ST6GALNAC3: variants seen among roughly 807,000 people sequenced by gnomAD.
The protein encoded by ST6GALNAC3 is alpha-N-acetylgalactosaminide alpha-2,6-sialyltransferase 3.
In ST6GALNAC3, 25 loss-of-function variants were observed where a neutral mutation model predicts 32.7. The ratio of observed to expected loss-of-function variants is 0.76; its 90% CI spans 0.56 to 1.07. ST6GALNAC3 has a LOEUF of 1.07. Among genes scored for constraint, ST6GALNAC3 ranks in the 50% least tolerant of loss-of-function variants. The pLI is 0.00. For missense variants in ST6GALNAC3, 355 were observed against 382.4 expected, an observed-to-expected ratio of 0.93 and a Z score of 0.60; for synonymous variants, 129 against 133.1, an observed-to-expected ratio of 0.97 and a Z score of 0.21.
intron 2 of ST6GALNAC3, among the ~76,000 whole-genome samples, chr1:76,404,469 T>A (rs1009253208): frequency 6.6e-6 from 1 of 152,118 alleles, no homozygotes; most frequent in Non-Finnish European, 1.5e-5. Context: ...AAAATACATT[T>A]TTTTATCAAG....
At chr1:76,574,270 A>T (rs1013045710) in intron 3 of ST6GALNAC3, among the ~76,000 whole-genome samples, 16 of 149,966 alleles carry the variant, frequency 1.1e-4, no homozygotes, top group African/African-American at 3.9e-4. Context: ...GGATTATATA[A>T]AATGAGACAG....
chr1:76,121,987 C>G (rs892574407), intron 1 of ST6GALNAC3, among the ~76,000 whole-genome samples: 2 of 152,184 alleles, frequency 1.3e-5, no homozygotes, highest in African/African-American at 4.8e-5. Context: ...TCCCTCCCTT[C>G]TTTCATGTCT....
chr1:76,311,145 A>G (rs918308571), intron 1 of ST6GALNAC3, among the ~76,000 whole-genome samples: 1 of 151,784 alleles, frequency 6.6e-6, no homozygotes, highest in African/African-American at 2.4e-5. Flanking sequence ...TTCATCCCTC[A>G]TTACCTCTGT....
At chr1:76,324,475 T>C (rs1431155336) in intron 2 of ST6GALNAC3, among the ~76,000 whole-genome samples, 1 of 152,190 alleles carries the variant, frequency 6.6e-6, no homozygotes, top group Non-Finnish European at 1.5e-5. Context: ...ACCGACACTT[T>C]ACCACTGAGG....
At chr1:76,107,646 G>A (rs553195808) in intron 1 of ST6GALNAC3, among the ~76,000 whole-genome samples, 10 of 152,074 alleles carry the variant, frequency 6.6e-5, no homozygotes, top group Admixed American at 5.9e-4. Context: ...AGCTTTTTGC[G>A]ATTGAGCCCT....
At chr1:76,164,268 G>A (rs906440247) in intron 1 of ST6GALNAC3, among the ~76,000 whole-genome samples, 1 of 152,062 alleles carries the variant, frequency 6.6e-6, no homozygotes, top group Non-Finnish European at 1.5e-5. Context: ...AGGAGAGAGG[G>A]AAAGAGCTGG....
At chr1:76,282,917 T>C (rs4245648) in intron 1 of ST6GALNAC3, among the ~76,000 whole-genome samples, 72,033 of 151,298 alleles carry the variant, frequency 0.48, 17,424 homozygotes, top group African/African-American at 0.55. Flanking sequence ...CACACACCTG[T>C]AATCCCAGCT....
intron 3 of ST6GALNAC3, among the ~76,000 whole-genome samples, chr1:76,500,608 G>T (rs6660107): frequency 6.6e-6 from 1 of 152,082 alleles, no homozygotes; most frequent in South Asian, 2.1e-4. Context: ...TTTAATCAAT[G>T]TCACAGGTGA....
chr1:76,222,042 T>A (rs1490009923), intron 1 of ST6GALNAC3, among the ~76,000 whole-genome samples: 1 of 152,136 alleles, frequency 6.6e-6, no homozygotes, highest in Non-Finnish European at 1.5e-5. Context: ...ATTCTGAAAG[T>A]TTCTTTTTAT....
chr1:76,222,836 C>G (rs1440742687), intron 1 of ST6GALNAC3, among the ~76,000 whole-genome samples: 1 of 152,026 alleles, frequency 6.6e-6, no homozygotes, highest in Non-Finnish European at 1.5e-5. Flanking sequence ...GAATGCCAAT[C>G]AAAACCACAA....
intron 2 of ST6GALNAC3, among the ~76,000 whole-genome samples, chr1:76,367,657 T>G (rs1045700422): frequency 1.4e-4 from 21 of 152,132 alleles, no homozygotes; most frequent in Admixed American, 1.2e-3. Context: ...AATCAAGCAA[T>G]GATGATATGG....
At chr1:76,208,844 A>AT (rs773130961) in intron 1 of ST6GALNAC3, among the ~76,000 whole-genome samples, 143 of 152,082 alleles carry the variant, frequency 9.4e-4, no homozygotes, top group Non-Finnish European at 1.9e-3. Context: ...TTCTAGGGGT[A>AT]TTTTTTTCAC....
chr1:76,362,859 G>C (rs932026408), intron 2 of ST6GALNAC3, among the ~76,000 whole-genome samples: 1 of 152,198 alleles, frequency 6.6e-6, no homozygotes, highest in African/African-American at 2.4e-5. Flanking sequence ...CCAGTGCTGA[G>C]TGCCTGCAGC....
chr1:76,283,328 A>G (rs1477470331), intron 1 of ST6GALNAC3, among the ~76,000 whole-genome samples: 1 of 152,094 alleles, frequency 6.6e-6, no homozygotes, highest in Non-Finnish European at 1.5e-5. Flanking sequence ...CTACTTTGTT[A>G]CCTGAATTGG....
At chr1:76,351,615 C>G (rs1037078281) in intron 2 of ST6GALNAC3, among the ~76,000 whole-genome samples, 21 of 151,862 alleles carry the variant, frequency 1.4e-4, no homozygotes, top group African/African-American at 1.5e-4. Context: ...ATTTATTTGT[C>G]CACTTTAGAA....
Position 76,629,258 on chromosome 1 carries a change from CACTG to C in ST6GALNAC3, c.*455_*458del. On this transcript the variant is annotated 3_prime_UTR_variant, in exon 5 of 5. Coordinates refer to ENST00000328299, the MANE Select transcript of ST6GALNAC3 (RefSeq NM_152996.4). ...TCTTGAAGAATGATTGATTGTCAAA[CACTG>C]ACCCAAGAACTGCTATCAGGGTGCA... is the stretch of plus-strand genomic sequence containing the variant. 1 of 994,054 alleles carries C rather than the reference CACTG, an allele frequency of 1.0e-6. No individual in the cohort carries two copies. Among genetic ancestry groups the C allele is most frequent in the Non-Finnish European group, 1.2e-6 (1 of 836,324 alleles). 61.6% of individuals were successfully genotyped at this position (994,054 alleles called of 1,614,324 possible).
At chr1:76,089,713 C>G (rs1647017248) in intron 1 of ST6GALNAC3, among the ~76,000 whole-genome samples, 1 of 152,184 alleles carries the variant, frequency 6.6e-6, no homozygotes, top group South Asian at 2.1e-4. Context: ...GTAGAGTCAA[C>G]TCTTGACATT....
chr1:76,563,658 C>T (rs1665379644), intron 3 of ST6GALNAC3, among the ~76,000 whole-genome samples: 1 of 152,138 alleles, frequency 6.6e-6, no homozygotes, highest in Non-Finnish European at 1.5e-5. Context: ...AAGTACTTCA[C>T]ATATATTGTC....
chr1:76,217,987 A>AT lies in ST6GALNAC3; in HGVS notation c.19-95808dup, dbSNP rs1200852103. Among the ~76,000 whole-genome samples, 878 of 149,422 alleles carry AT rather than the reference A, an allele frequency of 5.9e-3. 6 individuals carry two copies. The highest frequency in any genetic ancestry group is 0.02 in the African/African-American group (814 of 40,844). On this transcript the variant is annotated intron_variant, in intron 1 of 4. Transcript: ENST00000328299. ...ACGCTGCTATAAACATGCGTGTGCA[A>AT]TTTTTTTTTTGTATAATAACTTCTT...
Sources: allele counts gnomAD v4.1 joint callset (sites outside exome capture counted in the v4.1 genomes callset), GRCh38; gene constraint gnomAD v4.1.1; transcripts MANE v1.5; gene names NCBI Gene and HGNC (gene_info 2026-07-23, HGNC 2026-07-21).